The following ERN2 variants were observed in gnomAD, a reference collection of about 807,000 sequenced individuals.
The protein encoded by ERN2 is serine/threonine-protein kinase/endoribonuclease IRE2.
A neutral mutation model predicts 107.9 loss-of-function variants in ERN2; 111 were observed. The ratio of observed to expected loss-of-function variants is 1.03; its 90% CI spans 0.88 to 1.20. The LOEUF (loss-of-function observed/expected upper bound fraction) is 1.20, where lower values mean the gene tolerates loss of function less well. ERN2 is among the 50% of genes most tolerant of loss of function. The pLI, the probability that ERN2 is intolerant of heterozygous loss-of-function variation, is 0.00. For missense variants in ERN2, 1,225 were observed against 1,197.9 expected (o/e 1.02, Z -0.33); for synonymous variants, 524 against 501.7 (o/e 1.04, Z -0.59).
rs751465101 is a variant in ERN2 at position 23,713,157 on chromosome 16, AC to A, written c.30del (p.Trp11GlyfsTer18). 1 of 1,573,502 alleles carries A rather than the reference AC, an allele frequency of 6.4e-7. No homozygotes were observed. Among genetic ancestry groups the A allele is most frequent in the Non-Finnish European group, 8.6e-7 (1 of 1,165,580 alleles). The stretch of plus-strand genomic sequence containing the variant: ...TGGAGCTGGAGCCCCAGCCGGGGCC[AC>A]GGCCTCGACCCCCTGACCGCACTCG... The part of the protein sequence containing the change: MASAVRGSR[P>X]WPRLGLQLQF... On this transcript the variant is annotated frameshift_variant, in exon 1 of 22. Transcript: ENST00000256797. LOFTEE classifies it high-confidence loss of function.
Position 23,691,958 on chromosome 16 carries a change from C to G in ERN2, c.2376+5G>C, listed in dbSNP as rs761434187. Reference sequence around the variant, plus strand: ...TGGGGGCCATTCCCAAGCTTTCCTTCTGACCTGGAAGAACTGGAGTTGCTT... The same window carrying G: ...TGGGGGCCATTCCCAAGCTTTCCTTGTGACCTGGAAGAACTGGAGTTGCTT... On this transcript the variant is annotated splice_donor_5th_base_variant and intron_variant, in intron 19 of 21. Coordinates refer to ENST00000256797, the MANE Select transcript of ERN2 (RefSeq NM_033266.4). The G allele has an allele frequency of 6.2e-7, 1 of 1,611,550 alleles. No homozygotes were observed. Among genetic ancestry groups the G allele is most frequent in the Non-Finnish European group, 8.5e-7 (1 of 1,179,096 alleles).
Position 23,710,163 on chromosome 16 carries a change from G to A in ERN2, c.306+9C>T, listed in dbSNP as rs1960481947. On this transcript the variant is annotated intron_variant, in intron 4 of 21. Transcript: ENST00000256797. ...TCTCACCCATTCCCGAACACCATGG[G>A]ATACAAACCATTAATCCCTGTTGTT... 5.6e-6 allele frequency: 9 copies of A among 1,605,856 alleles called. No individual in the cohort carries two copies. The highest frequency in any genetic ancestry group is 7.7e-6 in the Non-Finnish European group (9 of 1,172,528).
At chr16:23,710,064 T>C in intron 4 of ERN2, 108 bp downstream of exon 4, 1 of 761,482 alleles carries the variant, frequency 1.3e-6, no homozygotes, top group Non-Finnish European at 2.3e-6. Context: ...CTGACTTATA[T>C]CCTCTGCAGA....
intron 11 of ERN2, 88 bp downstream of exon 11, chr16:23,702,061 ATTC>A: frequency 7.2e-7 from 1 of 1,382,406 alleles, no homozygotes; most frequent in Non-Finnish European, 9.9e-7. Flanking sequence ...CCCGAGTGTT[ATTC>A]TTAGCAGCCC....
At position 23,691,324 on chromosome 16, in the gene ERN2, G is replaced by A. The variant is rs770811311; in HGVS notation, c.2478C>T (p.His826=). Residue 826 remains histidine, a synonymous_variant, in exon 20 of 22, where the codon CAC becomes CAT. Coordinates refer to ENST00000256797, the MANE Select transcript of ERN2 (RefSeq NM_033266.4). ...TACCTGTCTGCAGCGGCATGGAGAT[G>A]TGCTCGTGCCAGTTGTCCCGGACCA... is the stretch of plus-strand genomic sequence containing the variant. ...CAVVRDNWHE[H]ISMPLQTDLR... is the part of the protein sequence containing the mutation. 6.0e-5 allele frequency: 97 copies of A among 1,609,504 alleles called. No homozygotes were observed. Among genetic ancestry groups the A allele is most frequent in the Non-Finnish European group, 8.0e-5 (94 of 1,179,978 alleles).
intron 17 of ERN2, among the ~76,000 whole-genome samples, chr16:23,692,840 G>C (rs1017949949): frequency 6.6e-6 from 1 of 151,810 alleles, no homozygotes; most frequent in Non-Finnish European, 1.5e-5. Context: ...AATCTACCTC[G>C]GCCTGAGTAG....
chr16:23,694,820 C>T lies in ERN2; in HGVS notation c.2008G>A (p.Gly670Ser). The T allele has an allele frequency of 6.2e-7, 1 of 1,614,076 alleles. No homozygotes were observed. The highest frequency in any genetic ancestry group is 8.5e-7 in the Non-Finnish European group (1 of 1,179,986). The change falls in exon 17 of 22, where the codon GGC (glycine) becomes AGC (serine). Residue 670 changes from glycine to serine, a missense_variant. Transcript: ENST00000256797. Reference protein sequence around the residue: ...DFGLCKKLPAGRCSFSLHSGI... With the variant: ...DFGLCKKLPASRCSFSLHSGI... The stretch of plus-strand genomic sequence containing the variant: ...GAGTGGAGGCTGAAGCTACAGCGGC[C>T]AGCAGGCAGCTTCTTGCAGAGGCCG...
rs149616080 is a variant in ERN2, at chr16:23,694,869, C to T, written c.1959G>A (p.Leu653=). ...CGAAGTCTGAGAGCACCACTCTGCC[C>T]AGGCCCTGGCTGTCAGGCCCGGTGA... ...ILITGPDSQG[L]GRVVLSDFGL... Residue 653 remains leucine, a synonymous_variant, in exon 17 of 22, where the codon CTG becomes CTA. Transcript: ENST00000256797. 2.5e-4 allele frequency: 408 copies of T among 1,614,216 alleles called. 1 individual carries two copies. Among genetic ancestry groups the T allele is most frequent in the Admixed American group, 7.8e-4 (47 of 60,024 alleles).
intron 21 of ERN2, 40 bp from the exon 22 acceptor site, chr16:23,691,083 G>A: frequency 1.2e-6 from 2 of 1,613,884 alleles, no homozygotes; most frequent in Non-Finnish European, 8.5e-7. Flanking sequence ...CTCAGCTGCG[G>A]CCAGGCCTTC....
intron 11 of ERN2, among the ~76,000 whole-genome samples, chr16:23,701,546 A>G (rs1043693858): frequency 6.6e-6 from 1 of 152,004 alleles, no homozygotes; most frequent in Admixed American, 6.6e-5. Context: ...ATGCTTTTAT[A>G]GTTTTTGTTT....
At chr16:23,691,562 C>G in intron 19 of ERN2, 137 bp from the exon 20 acceptor site, 1 of 1,061,994 alleles carries the variant, frequency 9.4e-7, no homozygotes, top group South Asian at 1.6e-5. Context: ...CTCTGTGCCA[C>G]GCCTCTGTTA....
chr16:23,712,291 A>T lies in ERN2; in HGVS notation c.93+804T>A, dbSNP rs543087691. 267 of 156,660 alleles carry T rather than the reference A, an allele frequency of 1.7e-3. 2 individuals carry two copies. Among genetic ancestry groups the T allele is most frequent in the Non-Finnish European group, 2.3e-3 (159 of 70,348 alleles). 9.7% of individuals were successfully genotyped at this position (156,660 alleles called of 1,614,324 possible). On this transcript the variant is annotated intron_variant, in intron 1 of 21. Transcript: ENST00000256797. ...TTGTTTGACCATCTAGTGCTTAAAA[A>T]TTTTTCAATTAGCTGCCAATTTTTT... is the stretch of plus-strand genomic sequence containing the variant.
At position 23,694,765 on chromosome 16, in the gene ERN2, G is replaced by A. The variant is rs772945122; in HGVS notation, c.2063C>T (p.Ala688Val). The A allele has an allele frequency of 6.8e-6, 11 of 1,611,050 alleles. No homozygotes were observed. The highest frequency in any genetic ancestry group is 2.2e-5 in the East Asian group (1 of 44,810). The part of the protein sequence containing the change: ...SGIPGTEGWM[A>V]PELLQLLPPD... ...TGGCAGGAGCTGCAGAAGCTCGGGCGCCATCCAGCCTTCCGTGCCGGGGAT... is the reference window on the plus strand; with the variant it reads ...TGGCAGGAGCTGCAGAAGCTCGGGCACCATCCAGCCTTCCGTGCCGGGGAT... The change falls in exon 17 of 22, where the codon GCG becomes GTG. Residue 688 changes from alanine to valine, a missense_variant. Transcript: ENST00000256797.
rs1426063755 is a variant in ERN2, at chr16:23,695,962, T to A, written c.1542A>T (p.Val514=). Residue 514 remains valine, a synonymous_variant, in exon 14 of 22, where the codon GTA becomes GTT. Transcript: ENST00000256797. ...TGGGATTGAAGGAAATCTTCCCCACTACGGTGAGTTGCTCAGCTGGGGGAG... is the reference window on the plus strand; with the variant it reads ...TGGGATTGAAGGAAATCTTCCCCACAACGGTGAGTTGCTCAGCTGGGGGAG... ...LDDPEAEQLT[V]VGKISFNPKD... The A allele has an allele frequency of 6.2e-7, 1 of 1,613,730 alleles. No homozygotes were observed. The highest frequency in any genetic ancestry group is 1.3e-5 in the African/African-American group (1 of 74,922).
rs575038056 is a variant in ERN2 at position 23,704,617 on chromosome 16, C to G, written c.854+266G>C. 1.1e-3 allele frequency among the ~76,000 whole-genome samples: 169 copies of G among 152,272 alleles called. 1 individual carries two copies. Among genetic ancestry groups the G allele is most frequent in the Non-Finnish European group, 2.2e-3 (148 of 68,018 alleles). On this transcript the variant is annotated intron_variant, in intron 8 of 21. Coordinates refer to ENST00000256797, the MANE Select transcript of ERN2 (RefSeq NM_033266.4). ...GTATGTCTTTATCAGCAGCATGAAA[C>G]AGACTAATACACCCTCCTAGGCCAG... is the stretch of plus-strand genomic sequence containing the variant.
At chr16:23,691,107 C>A in intron 21 of ERN2, 22 bp downstream of exon 21, 2 of 1,613,862 alleles carry the variant, frequency 1.2e-6, no homozygotes, top group East Asian at 4.5e-5. Context: ...AGACCCAGGC[C>A]CACCCAGGCC....
At position 23,713,182 on chromosome 16, in the gene ERN2, C is replaced by T; in HGVS notation, c.6G>A (p.Ala2=). Residue 2 remains alanine (A), a synonymous_variant, in exon 1 of 22, where the codon GCG becomes GCA. Transcript: ENST00000256797. The stretch of plus-strand genomic sequence containing the variant: ...ACGGCCTCGACCCCCTGACCGCACT[C>T]GCCATAGCGCCTGGGCAGCTGCACG... M[A]SAVRGSRPWP... 1.9e-6 allele frequency: 3 copies of T among 1,577,724 alleles called. No homozygotes were observed. The highest frequency in any genetic ancestry group is 2.7e-5 in the African/African-American group (2 of 74,102).
intron 17 of ERN2, among the ~76,000 whole-genome samples, chr16:23,692,734 G>GTT (rs35790259): frequency 3.4e-4 from 51 of 148,568 alleles, no homozygotes; most frequent in Admixed American, 8.0e-4. Flanking sequence ...AGCTGATTTT[G>GTT]TTTTTTTTTT....
chr16:23,708,383 G>A (rs574633761), intron 4 of ERN2, among the ~76,000 whole-genome samples: 2 of 117,158 alleles, frequency 1.7e-5, no homozygotes, highest in South Asian at 5.4e-4. Context: ...TGGAGACATG[G>A]TATCACTCTG....
Sources: allele counts gnomAD v4.1 joint callset (sites outside exome capture counted in the v4.1 genomes callset), GRCh38; gene constraint gnomAD v4.1.1; transcripts MANE v1.5; gene names NCBI Gene and HGNC (gene_info 2026-07-23, HGNC 2026-07-21).